The following SIL1 variants were observed in gnomAD, a reference collection of about 807,000 sequenced individuals.
The protein encoded by SIL1 is SIL1 nucleotide exchange factor.
In SIL1, 40 loss-of-function variants were observed where a neutral mutation model predicts 49.1. The observed-to-expected ratio is 0.81, with a 90% CI of 0.63 to 1.06. SIL1 has a LOEUF of 1.06. Ranked by LOEUF, SIL1 falls within the 50% of genes least tolerant of loss-of-function variation. The pLI is 0.00. For synonymous variants in SIL1, 253 were observed against 250.8 expected, an observed-to-expected ratio of 1.01 and a Z score of -0.08; for missense variants, 500 against 572.6, an observed-to-expected ratio of 0.87 and a Z score of 1.29.
At chr5:139,142,766 C>CTTAT (rs112356249) in intron 1 of SIL1, among the ~76,000 whole-genome samples, 1 of 151,710 alleles carries the variant, frequency 6.6e-6, no homozygotes, top group Non-Finnish European at 1.5e-5. Flanking sequence ...ACCTCTTTTA[C>CTTAT]TTATTTATTT....
At chr5:139,027,456 G>GA (rs1768684329) in intron 5 of SIL1, among the ~76,000 whole-genome samples, 1 of 152,228 alleles carries the variant, frequency 6.6e-6, no homozygotes, top group African/African-American at 2.4e-5. Context: ...CTTGGACATA[G>GA]AAAACTATGG....
intron 1 of SIL1, among the ~76,000 whole-genome samples, chr5:139,165,084 TCA>T (rs1176453569): frequency 1.3e-5 from 2 of 152,182 alleles, no homozygotes; most frequent in African/African-American, 4.8e-5. Flanking sequence ...CAGGAGATAA[TCA>T]ACTAAGAGTC....
At chr5:138,999,206 T>C (rs995910775) in intron 7 of SIL1, among the ~76,000 whole-genome samples, 1 of 152,206 alleles carries the variant, frequency 6.6e-6, no homozygotes, top group African/African-American at 2.4e-5. Context: ...ATCCACACTA[T>C]ATCATGTCCA....
intron 7 of SIL1, among the ~76,000 whole-genome samples, chr5:138,994,891 A>G (rs1006701868): frequency 6.6e-6 from 1 of 152,058 alleles, no homozygotes; most frequent in African/African-American, 2.4e-5. Flanking sequence ...GTTCCAGTGT[A>G]TGTTGTTCCT....
In SIL1 at chr5:139,113,697, C is replaced by T. The variant is rs188752515; in HGVS notation, c.244+7338G>A. On this transcript the variant is annotated intron_variant, in intron 3 of 9. Transcript: ENST00000394817. Reference sequence around the variant, plus strand: ...GCCAGCCCTTGAGAACTACTCCTAGCCCTGGTTAGTCTTAACCGTGGAGAT... The same window carrying T: ...GCCAGCCCTTGAGAACTACTCCTAGTCCTGGTTAGTCTTAACCGTGGAGAT... Among the ~76,000 whole-genome samples, 33 of 152,338 alleles carry T rather than the reference C, an allele frequency of 2.2e-4. No homozygotes were observed. In the East Asian group the frequency reaches 6.4e-3, roughly 29 times the overall value.
chr5:139,125,164 G>A (rs901235353), intron 2 of SIL1, among the ~76,000 whole-genome samples: 1 of 152,228 alleles, frequency 6.6e-6, no homozygotes. Flanking sequence ...AGGAGAGAGA[G>A]AGAGGCAGGC....
intron 1 of SIL1, among the ~76,000 whole-genome samples, chr5:139,146,663 C>T (rs1340107261): frequency 6.6e-6 from 1 of 151,622 alleles, no homozygotes; most frequent in Non-Finnish European, 1.5e-5. Flanking sequence ...TAAAGAAATC[C>T]CCTTCTTTGC....
chr5:139,074,685 C>T (rs1288276120), intron 3 of SIL1, among the ~76,000 whole-genome samples: 1 of 152,176 alleles, frequency 6.6e-6, no homozygotes, highest in East Asian at 1.9e-4. Flanking sequence ...AGAATGTGTA[C>T]TTCAGGAGGA....
chr5:139,063,117 C>T (rs1042778421), intron 3 of SIL1, among the ~76,000 whole-genome samples: 14 of 152,292 alleles, frequency 9.2e-5, no homozygotes, highest in African/African-American at 3.1e-4. Flanking sequence ...TATCATTGTC[C>T]TAATCAGACA....
At chr5:139,170,290 C>A (rs571744281) in intron 1 of SIL1, among the ~76,000 whole-genome samples, 110 of 152,200 alleles carry the variant, frequency 7.2e-4, no homozygotes, top group African/African-American at 2.5e-3. Context: ...GGCCGCCACC[C>A]CGTCTGGGAA....
At chr5:139,180,454 C>G (rs1048166959) in intron 1 of SIL1, among the ~76,000 whole-genome samples, 2 of 150,996 alleles carry the variant, frequency 1.3e-5, no homozygotes, top group Admixed American at 1.3e-4. Flanking sequence ...TACCCCAATG[C>G]TGCCTTTGTG....
chr5:139,087,650 G>C (rs1294329096), intron 3 of SIL1, among the ~76,000 whole-genome samples: 1 of 152,164 alleles, frequency 6.6e-6, no homozygotes, highest in Non-Finnish European at 1.5e-5. Context: ...TTTTGAGGGA[G>C]CAGTCATACT....
At chr5:139,143,324 C>CATATATAT (rs1561878684) in intron 1 of SIL1, among the ~76,000 whole-genome samples, 10 of 121,324 alleles carry the variant, frequency 8.2e-5, no homozygotes, top group African/African-American at 3.8e-4. Flanking sequence ...CACACACACA[C>CATATATAT]ACACACACAC....
intron 5 of SIL1, among the ~76,000 whole-genome samples, chr5:139,039,929 A>T (rs1313279420): frequency 2.0e-5 from 3 of 152,190 alleles, no homozygotes; most frequent in African/African-American, 2.4e-5. Flanking sequence ...AGAACCAAGG[A>T]ACTCCGGGAA....
chr5:139,025,909 AT>A (rs1490166306), intron 6 of SIL1, among the ~76,000 whole-genome samples: 4 of 152,224 alleles, frequency 2.6e-5, no homozygotes, highest in African/African-American at 9.6e-5. Flanking sequence ...GCATGAACAA[AT>A]AGGGGTTGCT....
chr5:138,965,126 C>T (rs573468242), intron 7 of SIL1, among the ~76,000 whole-genome samples: 64 of 152,302 alleles, frequency 4.2e-4, no homozygotes, highest in Non-Finnish European at 7.8e-4. Flanking sequence ...GGGGAAGCAA[C>T]AGCTTTTTGC....
Position 139,186,447 on chromosome 5 carries a change from T to C in SIL1, c.-11+11822A>G, listed in dbSNP as rs181087704. ...CTAAAGGATACAGATGGGTAGCCTA[T>C]AGGTCAAATCTAGACCACAAATATG... is the stretch of plus-strand genomic sequence containing the variant. On this transcript the variant is annotated intron_variant, in intron 1 of 9. Coordinates refer to ENST00000394817, the MANE Select transcript of SIL1 (RefSeq NM_022464.5). Among the ~76,000 whole-genome samples, 28 of 152,274 alleles carry C rather than the reference T, an allele frequency of 1.8e-4. No individual in the cohort carries two copies. The East Asian group carries it at 2.1e-3, about 12-fold the overall frequency.
intron 2 of SIL1, among the ~76,000 whole-genome samples, chr5:139,123,839 T>C (rs776319197): frequency 9.9e-5 from 15 of 152,232 alleles, no homozygotes; most frequent in Non-Finnish European, 1.6e-4. Flanking sequence ...CAGATTTTTA[T>C]GTGAAATGTT....
At chr5:139,057,673 G>A (rs1769486570) in intron 3 of SIL1, among the ~76,000 whole-genome samples, 1 of 152,214 alleles carries the variant, frequency 6.6e-6, no homozygotes, top group Admixed American at 6.5e-5. Flanking sequence ...TATGGGCAGG[G>A]AACCAAAAGC....
Sources: gnomAD v4.1 joint callset for allele counts (sites outside exome capture counted in the v4.1 genomes callset) on GRCh38, gnomAD v4.1.1 for gene constraint, MANE v1.5 for transcripts, NCBI Gene and HGNC (gene_info 2026-07-23, HGNC 2026-07-21) for gene names.